SEC14L5: variants seen among roughly 807,000 people sequenced by gnomAD.
The protein encoded by SEC14L5 is SEC14-like protein 5.
A neutral mutation model predicts 84.6 loss-of-function variants in SEC14L5; 96 were observed. That is an observed-to-expected ratio of 1.13 (90% CI 0.96 to 1.34). SEC14L5 has a LOEUF of 1.34. Ranked by LOEUF, SEC14L5 falls within the 40% of genes most tolerant of loss-of-function variation. SEC14L5 has a pLI of 0.00. For missense variants in SEC14L5, 1,224 were observed against 942.5 expected (o/e 1.30, Z -3.91); for synonymous variants, 546 against 383.4 (o/e 1.42, Z -4.95).
At chr16:4,995,540 C>T (rs940962443) in intron 6 of SEC14L5, among the ~76,000 whole-genome samples, 4 of 152,066 alleles carry the variant, frequency 2.6e-5, no homozygotes, top group African/African-American at 7.2e-5. Context: ...CAGCCACCTC[C>T]TTTGTGCTGG....
rs961539113 is a variant in SEC14L5 at position 4,996,387 on chromosome 16, G to C, written c.707G>C (p.Gly236Ala). 1.3e-6 allele frequency: 2 copies of C among 1,567,792 alleles called. No individual in the cohort carries two copies. Among genetic ancestry groups the C allele is most frequent in the Non-Finnish European group, 1.7e-6 (2 of 1,157,196 alleles). The change falls in exon 7 of 16, where the codon GGC becomes GCC. Residue 236 changes from glycine to alanine, a missense_variant. Coordinates refer to ENST00000251170, the MANE Select transcript of SEC14L5 (RefSeq NM_014692.2). ...LDADYIERCLGHLTPMQESCL... is the reference protein window; with the variant it reads ...LDADYIERCLAHLTPMQESCL... ...GCGGACTACATTGAGAGGTGCCTGG[G>C]CCACCTCACGCCCATGCAGGAGAGC... is the stretch of plus-strand genomic sequence containing the variant.
At chr16:5,000,773 G>A (rs377515545) in intron 9 of SEC14L5, 30 bp downstream of exon 9, 21 of 1,555,328 alleles carry the variant, frequency 1.4e-5, no homozygotes, top group South Asian at 9.5e-5. Flanking sequence ...CCTGGACGCC[G>A]TGCCTGGGGC....
At chr16:5,003,624 G>GGGGGGGGGCCCC in intron 11 of SEC14L5, 51 bp downstream of exon 11, 1 of 305,312 alleles carries the variant, frequency 3.3e-6, no homozygotes, top group Non-Finnish European at 6.5e-6. Context: ...GGTGGGATGG[G>GGGGGGGGGCCCC]AGGGGTTCCG....
intron 12 of SEC14L5, among the ~76,000 whole-genome samples, 186 bp from the exon 13 acceptor site, chr16:5,007,166 G>A (rs904433214): frequency 6.6e-6 from 1 of 152,192 alleles, no homozygotes; most frequent in African/African-American, 2.4e-5. Flanking sequence ...TGTGAAACGG[G>A]AAGAATAATA....
At chr16:5,013,328 C>T (rs765416693) in intron 15 of SEC14L5, among the ~76,000 whole-genome samples, 12 of 152,074 alleles carry the variant, frequency 7.9e-5, no homozygotes, top group Admixed American at 2.6e-4. Context: ...TAATATGGAA[C>T]GTGACACTGG....
chr16:4,971,474 T>C (rs1227915489), intron 2 of SEC14L5, among the ~76,000 whole-genome samples: 1 of 151,986 alleles, frequency 6.6e-6, no homozygotes, highest in East Asian at 1.9e-4. Flanking sequence ...CAAACAACAA[T>C]AACAACAACA....
intron 5 of SEC14L5, 47 bp from the exon 6 acceptor site, chr16:4,991,791 T>G (rs1430194464): frequency 1.5e-6 from 2 of 1,374,040 alleles, no homozygotes; most frequent in Non-Finnish European, 2.0e-6. Context: ...GTGACCCCCC[T>G]CCATCCTGCC....
intron 10 of SEC14L5, among the ~76,000 whole-genome samples, chr16:5,001,131 G>A (rs1955672032): frequency 6.6e-6 from 1 of 151,926 alleles, no homozygotes; most frequent in Admixed American, 6.6e-5. Flanking sequence ...CAGAATGGTG[G>A]CCCCCATCGA....
chr16:5,006,247 T>A (rs189880389), intron 12 of SEC14L5, among the ~76,000 whole-genome samples, 199 bp downstream of exon 12: 1 of 152,328 alleles, frequency 6.6e-6, no homozygotes, highest in East Asian at 1.9e-4. Context: ...GGTGATGCTG[T>A]TCTGAGGTTG....
intron 14 of SEC14L5, among the ~76,000 whole-genome samples, chr16:5,010,109 G>T (rs1256175591): frequency 6.7e-6 from 1 of 149,252 alleles, no homozygotes; most frequent in African/African-American, 2.5e-5. Flanking sequence ...CTGGGAGGCC[G>T]AGGCAGGTGA....
chr16:4,996,355 G>A lies in SEC14L5; in HGVS notation c.675G>A (p.Lys225=). 2 of 1,553,622 alleles carry A rather than the reference G, an allele frequency of 1.3e-6. No individual in the cohort carries two copies. The highest frequency in any genetic ancestry group is 2.4e-5 in the South Asian group (2 of 84,120). Residue 225 remains lysine, a synonymous_variant, in exon 7 of 16, where the codon AAG becomes AAA. Transcript: ENST00000251170. ...ALEAVSMDGD[K]LDADYIERCL... Reference sequence around the variant, plus strand: ...TCCCCCTTCTCCTCCAAGGGGACAAGCTGGATGCGGACTACATTGAGAGGT... The same window carrying A: ...TCCCCCTTCTCCTCCAAGGGGACAAACTGGATGCGGACTACATTGAGAGGT...
intron 2 of SEC14L5, among the ~76,000 whole-genome samples, chr16:4,984,759 T>G (rs1247554411): frequency 6.6e-6 from 1 of 152,240 alleles, no homozygotes; most frequent in Non-Finnish European, 1.5e-5. Flanking sequence ...GGTATTTCAT[T>G]GTGGTTTGGA....
At chr16:4,979,587 A>T (rs1388375010) in intron 2 of SEC14L5, among the ~76,000 whole-genome samples, 4 of 152,108 alleles carry the variant, frequency 2.6e-5, no homozygotes, top group African/African-American at 9.7e-5. Flanking sequence ...ATCTGAAATT[A>T]AAGGAAAGTT....
intron 2 of SEC14L5, among the ~76,000 whole-genome samples, chr16:4,973,081 C>A (rs1039611376): frequency 6.6e-6 from 1 of 152,234 alleles, no homozygotes; most frequent in Admixed American, 6.5e-5. Flanking sequence ...ATAAAACAGG[C>A]ATACATGAGT....
At position 5,015,927 on chromosome 16, in the gene SEC14L5, G is replaced by T. The variant is rs1955870732; in HGVS notation, c.*957G>T. The T allele has an allele frequency of 6.6e-6, 1 of 152,276 alleles. No homozygotes were observed. Among genetic ancestry groups the T allele is most frequent in the Non-Finnish European group, 1.5e-5 (1 of 68,082 alleles). The allele number at this position is 152,276 out of a possible 1,614,324, so 9.4% of individuals were successfully genotyped here. On this transcript the variant is annotated 3_prime_UTR_variant, in exon 16 of 16. Transcript: ENST00000251170. ...CTGCTAAGTTCCAGGCAGTGATGGG[G>T]TGACTGAGGCTGTCTGTATACCCCA...
chr16:4,959,313 C>T lies in SEC14L5; in HGVS notation c.-11C>T. 6.2e-7 allele frequency: 1 copy of T among 1,612,742 alleles called. No homozygotes were observed. Among genetic ancestry groups the T allele is most frequent in the East Asian group, 2.2e-5 (1 of 44,884 alleles). ...CTGCCTGGTGACCTCCATTGGTGCT[C>T]CAGCGTGAACATGGTGCAAAGATAC... On this transcript the variant is annotated 5_prime_UTR_variant, in exon 2 of 16. Transcript: ENST00000251170.
intron 10 of SEC14L5, among the ~76,000 whole-genome samples, chr16:5,001,591 C>T (rs116841448): frequency 6.6e-6 from 1 of 152,184 alleles, no homozygotes; most frequent in Non-Finnish European, 1.5e-5. Flanking sequence ...CTCTCCACCA[C>T]GAGTTCTCCC....
chr16:4,972,596 T>G (rs2142484023), intron 2 of SEC14L5, among the ~76,000 whole-genome samples: 1 of 152,362 alleles, frequency 6.6e-6, no homozygotes, highest in Non-Finnish European at 1.5e-5. Context: ...AGTTGTCCTT[T>G]TGTCTCTGGC....
At chr16:4,961,743 C>T (rs142851853) in intron 2 of SEC14L5, among the ~76,000 whole-genome samples, 1 of 152,260 alleles carries the variant, frequency 6.6e-6, no homozygotes, top group African/African-American at 2.4e-5. Flanking sequence ...ATTTATTAAG[C>T]ACATGCAGTA....
Sources: gnomAD v4.1 joint callset for allele counts (sites outside exome capture counted in the v4.1 genomes callset) on GRCh38, gnomAD v4.1.1 for gene constraint, MANE v1.5 for transcripts, NCBI Gene and HGNC (gene_info 2026-07-23, HGNC 2026-07-21) for gene names.